HSPA14: variants seen among roughly 807,000 people sequenced by gnomAD.
The protein encoded by HSPA14 is heat shock protein family A (Hsp70) member 14, also known as heat shock 70 kDa protein 14.
HSPA14 carries 37 observed loss-of-function variants against 65.5 expected under a neutral mutation model. The observed-to-expected ratio is 0.56, with a 90% CI of 0.43 to 0.74. The LOEUF (loss-of-function observed/expected upper bound fraction) is 0.74, where lower values mean the gene tolerates loss of function less well. Among genes scored for constraint, HSPA14 ranks in the 30% least tolerant of loss-of-function variants. The pLI is 0.00. For missense variants in HSPA14, 564 were observed against 607.6 expected, an observed-to-expected ratio of 0.93 and a Z score of 0.75; for synonymous variants, 203 against 214.2, an observed-to-expected ratio of 0.95 and a Z score of 0.46.
At chr10:14,844,825 C>G in intron 3 of HSPA14, 31 of 985,410 alleles carry the variant, frequency 3.1e-5, no homozygotes, top group Non-Finnish European at 3.7e-5. Flanking sequence ...GGAAACAATT[C>G]AGATTATATC....
chr10:14,866,672 A>C (rs1832809394), intron 10 of HSPA14, among the ~76,000 whole-genome samples: 2 of 152,200 alleles, frequency 1.3e-5, no homozygotes, highest in Non-Finnish European at 2.9e-5. Context: ...TTTCACTAAG[A>C]GAGAATAGCA....
In HSPA14 at chr10:14,870,068, C is replaced by A. The variant is rs367983002; in HGVS notation, c.1381-529C>A. Among the ~76,000 whole-genome samples the A allele has an allele frequency of 7.4e-4, 112 of 152,270 alleles. No individual in the cohort carries two copies. The South Asian group carries it at 0.023, about 31-fold the overall frequency. On this transcript the variant is annotated intron_variant, in intron 12 of 13. Coordinates refer to ENST00000378372, the MANE Select transcript of HSPA14 (RefSeq NM_016299.4). ...ACTCCAAATCTGGTTTCTTGATATACCATTCTTTAGGAAACTGAGGAATTT... is the reference window on the plus strand; with the variant it reads ...ACTCCAAATCTGGTTTCTTGATATAACATTCTTTAGGAAACTGAGGAATTT...
In HSPA14 at chr10:14,871,593, A is replaced by G; in HGVS notation, c.1517A>G (p.Glu506Gly). 6.4e-7 allele frequency: 1 copy of G among 1,568,730 alleles called. No individual in the cohort carries two copies. The highest frequency in any genetic ancestry group is 8.7e-7 in the Non-Finnish European group (1 of 1,146,038). Reference sequence around the variant, plus strand: ...GGAAAATGTGAAGCAATCTCTATTGAGATAGCATCTTAGTGTTTTAGAGAA... The same window carrying G: ...GGAAAATGTGAAGCAATCTCTATTGGGATAGCATCTTAGTGTTTTAGAGAA... ...ETGKCEAISI[E>G]IAS Residue 506 changes from glutamate to glycine, a missense_variant, in exon 14 of 14, where the codon GAG becomes GGG. Physicochemically the swap from Glu to Gly is moderately conservative, Grantham distance 98 (BLOSUM62 -2). Coordinates refer to ENST00000378372, the MANE Select transcript of HSPA14 (RefSeq NM_016299.4).
In HSPA14 at chr10:14,867,417, TACTG is replaced by T. The variant is rs1182639356; in HGVS notation, c.1206+125_1206+128del. 6.0e-6 allele frequency: 4 copies of T among 662,292 alleles called. No individual in the cohort carries two copies. In the East Asian group the frequency reaches 8.1e-5, roughly 13 times the overall value. The allele number at this position is 662,292 out of a possible 1,614,324, so 41.0% of individuals were successfully genotyped here. A position where few individuals can be genotyped will look rare whatever the true frequency, so the allele number is the denominator to read the frequency against. ...CATGATGTTACAATAAAACCTTGTATACTGACAGGTCTTAAATTTAGATTTATAA... is the reference window on the plus strand; with the variant it reads ...CATGATGTTACAATAAAACCTTGTATACAGGTCTTAAATTTAGATTTATAA... On this transcript the variant is annotated intron_variant, in intron 11 of 13. Transcript: ENST00000378372.
At position 14,854,224 on chromosome 10, in the gene HSPA14, C is replaced by T; in HGVS notation, c.834C>T (p.Ala278=). ...ATTCTTTGTCAACCTTGGGAAGTGCCAACTGTTTTCTTGACTCATTATATG... is the reference window on the plus strand; with the variant it reads ...ATTCTTTGTCAACCTTGGGAAGTGCTAACTGTTTTCTTGACTCATTATATG... ...AKHSLSTLGS[A]NCFLDSLYEG... Residue 278 remains alanine (A), a synonymous_variant, in exon 9 of 14, where the codon GCC becomes GCT. Coordinates refer to ENST00000378372, the MANE Select transcript of HSPA14 (RefSeq NM_016299.4). The T allele has an allele frequency of 6.2e-7, 1 of 1,613,498 alleles. No individual in the cohort carries two copies. The highest frequency in any genetic ancestry group is 1.7e-4 in the Middle Eastern group (1 of 6,060).
chr10:14,841,982 C>T lies in HSPA14; in HGVS notation c.221+1825C>T, dbSNP rs112605837. ...TACCAAGCCATTAGGTTCTTGGTGC[C>T]GTGTCTACCCTGGGTGAACTCCCAA... On this transcript the variant is annotated intron_variant, in intron 3 of 13. Transcript: ENST00000378372. 1,203 of 482,434 alleles carry T rather than the reference C, an allele frequency of 2.5e-3. 13 individuals carry two copies. The highest frequency in any genetic ancestry group is 0.021 in the African/African-American group (1,049 of 51,126). 29.9% of individuals were successfully genotyped at this position (482,434 alleles called of 1,614,324 possible).
chr10:14,861,775 A>G (rs1832751790), intron 10 of HSPA14, among the ~76,000 whole-genome samples: 1 of 152,054 alleles, frequency 6.6e-6, no homozygotes, highest in African/African-American at 2.4e-5. Flanking sequence ...GCACATTGGG[A>G]GGCCAAGGTG....
At chr10:14,852,909 A>G (rs1446243133) in intron 8 of HSPA14, among the ~76,000 whole-genome samples, 2 of 152,192 alleles carry the variant, frequency 1.3e-5, no homozygotes, top group Admixed American at 6.5e-5. Flanking sequence ...AGATTGCATT[A>G]TGTTATCTTC....
chr10:14,867,000 A>C, intron 10 of HSPA14, 83 bp from the exon 11 acceptor site: 1 of 921,370 alleles, frequency 1.1e-6, no homozygotes, highest in Non-Finnish European at 1.7e-6. Flanking sequence ...CATACGATGA[A>C]GATGACTCAG....
intron 10 of HSPA14, among the ~76,000 whole-genome samples, chr10:14,858,919 C>T (rs1427837398): frequency 2.0e-5 from 3 of 152,156 alleles, no homozygotes; most frequent in African/African-American, 7.2e-5. Flanking sequence ...CTGCCTGTCT[C>T]CATCACCTGT....
chr10:14,855,483 A>G (rs1834139167), intron 9 of HSPA14, among the ~76,000 whole-genome samples: 1 of 152,204 alleles, frequency 6.6e-6, no homozygotes, highest in Non-Finnish European at 1.5e-5. Flanking sequence ...TGGTTTGATT[A>G]GGGTCAGTAG....
At position 14,855,958 on chromosome 10, in the gene HSPA14, T is replaced by C. The variant is rs780379677; in HGVS notation, c.993+15T>C. 1 of 1,410,862 alleles carries C rather than the reference T, an allele frequency of 7.1e-7. No individual in the cohort carries two copies. Among genetic ancestry groups the C allele is most frequent in the South Asian group, 1.2e-5 (1 of 86,482 alleles). 87.4% of individuals were successfully genotyped at this position (1,410,862 alleles called of 1,614,324 possible). On this transcript the variant is annotated intron_variant, in intron 10 of 13. Coordinates refer to ENST00000378372, the MANE Select transcript of HSPA14 (RefSeq NM_016299.4). ...ATATCAACAAGGTAATGCTTTTACA[T>C]TTTTCTTAACTATTTTAGGTGTAGT...
Sources: allele counts gnomAD v4.1 joint callset (sites outside exome capture counted in the v4.1 genomes callset), GRCh38; gene constraint gnomAD v4.1.1; transcripts MANE v1.5; gene names NCBI Gene and HGNC (gene_info 2026-07-23, HGNC 2026-07-21).